IL6R: variants seen among roughly 807,000 people sequenced by gnomAD.
IL6R encodes the protein interleukin 6 receptor.
In IL6R, 38 loss-of-function variants were observed where a neutral mutation model predicts 48.3. The ratio of observed to expected loss-of-function variants is 0.79; its 90% CI spans 0.61 to 1.03. The LOEUF is 1.03. Among genes scored for constraint, IL6R ranks in the 50% least tolerant of loss-of-function variants. The pLI is 0.00. For synonymous variants in IL6R, 264 were observed against 256.2 expected (o/e 1.03, Z -0.29); for missense variants, 534 against 618.3 (o/e 0.86, Z 1.45).
Position 154,429,347 on chromosome 1 carries a change from G to A in IL6R, c.237G>A (p.Arg79=), listed in dbSNP as rs1306096570. Residue 79 remains arginine, a synonymous_variant, in exon 2 of 10, where the codon AGG becomes AGA. Transcript: ENST00000368485. ...CCAGCAGATGGGCTGGCATGGGAAG[G>A]AGGCTGCTGCTGAGGTCGGTGCAGC... is the stretch of plus-strand genomic sequence containing the variant. ...SHPSRWAGMG[R]RLLLRSVQLH... 6.2e-7 allele frequency: 1 copy of A among 1,614,146 alleles called. No homozygotes were observed. The highest frequency in any genetic ancestry group is 2.2e-5 in the East Asian group (1 of 44,882).
chr1:154,428,771 G>A (rs2149234399), intron 1 of IL6R, among the ~76,000 whole-genome samples: 1 of 152,312 alleles, frequency 6.6e-6, no homozygotes, highest in South Asian at 2.1e-4. Flanking sequence ...GGAATAGGAG[G>A]AGTTGTCGTG....
Position 154,405,700 on chromosome 1 carries a change from G to T in IL6R, c.71G>T (p.Arg24Leu). 6.6e-7 allele frequency: 1 copy of T among 1,518,472 alleles called. No individual in the cohort carries two copies. The highest frequency in any genetic ancestry group is 8.8e-7 in the Non-Finnish European group (1 of 1,140,446). 94.1% of individuals were successfully genotyped at this position (1,518,472 alleles called of 1,614,324 possible). A position where few individuals can be genotyped will look rare whatever the true frequency, so the allele number is the denominator to read the frequency against. ...CCGGGAGCGGCGCTGGCCCCAAGGCGCTGCCCTGCGCAGGGTAAGGGCTTC... is the reference window on the plus strand; with the variant it reads ...CCGGGAGCGGCGCTGGCCCCAAGGCTCTGCCCTGCGCAGGGTAAGGGCTTC... ...AAPGAALAPR[R>L]CPAQEVARGV... Residue 24 changes from arginine (R) to leucine (L), a missense_variant, in exon 1 of 10, where the codon CGC (arginine) becomes CTC (leucine). Arg to Leu is a moderately radical substitution (Grantham distance 102). Coordinates refer to ENST00000368485, the MANE Select transcript of IL6R (RefSeq NM_000565.4). This position sits in a 1 kb window ranked among gnomAD's most constrained non-coding sequence, Gnocchi z 5.2.
chr1:154,426,281 C>T (rs533458020), intron 1 of IL6R, among the ~76,000 whole-genome samples: 10 of 151,860 alleles, frequency 6.6e-5, no homozygotes, highest in Non-Finnish European at 1.2e-4. Flanking sequence ...GAGGCCGAGG[C>T]GGGTGGATCA....
At chr1:154,408,308 T>C (rs11265610) in intron 1 of IL6R, among the ~76,000 whole-genome samples, 11,347 of 152,210 alleles carry the variant, frequency 0.075, 1,428 homozygotes, top group African/African-American at 0.26. Flanking sequence ...AATCTCTCCT[T>C]GCTTTGGCTT....
chr1:154,462,437 G>A (rs1012254369), intron 9 of IL6R, among the ~76,000 whole-genome samples: 3 of 150,096 alleles, frequency 2.0e-5, no homozygotes, highest in Non-Finnish European at 4.4e-5. Context: ...GCAATGGTGC[G>A]ATCTCAGCTC....
chr1:154,411,725 G>A (rs897844864), intron 1 of IL6R, among the ~76,000 whole-genome samples: 5 of 152,016 alleles, frequency 3.3e-5, no homozygotes, highest in Admixed American at 1.3e-4. Context: ...TTTTGAGGCC[G>A]GATGTGGTGT....
At chr1:154,427,327 T>C (rs890763415) in intron 1 of IL6R, among the ~76,000 whole-genome samples, 1 of 152,154 alleles carries the variant, frequency 6.6e-6, no homozygotes, top group Non-Finnish European at 1.5e-5. Context: ...GACTGTGTCT[T>C]CCTTGCCAGT....
chr1:154,444,019 T>C (rs1313694784), intron 6 of IL6R, among the ~76,000 whole-genome samples: 2 of 151,672 alleles, frequency 1.3e-5, no homozygotes, highest in African/African-American at 4.8e-5. Context: ...CACATCTCAA[T>C]AGCATCTAGC....
At position 154,435,103 on chromosome 1, in the gene IL6R, C is replaced by A. The variant is rs145182433; in HGVS notation, c.754C>A (p.Arg252=). The part of the protein sequence containing the change: ...HSWNSSFYRL[R]FELRYRAERS... The stretch of plus-strand genomic sequence containing the variant: ...CTGGAACTCATCTTTCTACAGACTA[C>A]GGTTTGAGCTCAGATATCGGGCTGA... Residue 252 remains arginine (R), a synonymous_variant, in exon 5 of 10, where the codon CGG becomes AGG. Coordinates refer to ENST00000368485, the MANE Select transcript of IL6R (RefSeq NM_000565.4). The A allele has an allele frequency of 3.7e-6, 6 of 1,614,116 alleles. No homozygotes were observed. The highest frequency in any genetic ancestry group is 4.5e-5 in the East Asian group (2 of 44,890).
At chr1:154,447,444 A>T (rs1226379170) in intron 6 of IL6R, among the ~76,000 whole-genome samples, 10,113 of 64,590 alleles carry the variant, frequency 0.16, 1,514 homozygotes, top group Non-Finnish European at 0.19. Context: ...ATCTCAAAAA[A>T]AAAAAAAAAA....
At chr1:154,412,684 A>G (rs1688096719) in intron 1 of IL6R, among the ~76,000 whole-genome samples, 1 of 152,212 alleles carries the variant, frequency 6.6e-6, no homozygotes, top group African/African-American at 2.4e-5. Flanking sequence ...TTTTTGAAAG[A>G]TTAGGTATGT....
intron 2 of IL6R, among the ~76,000 whole-genome samples, chr1:154,429,954 C>T (rs1354921370): frequency 6.6e-6 from 1 of 152,042 alleles, no homozygotes; most frequent in Non-Finnish European, 1.5e-5. Flanking sequence ...GTTCTTAGCT[C>T]CCTCATACCT....
chr1:154,457,140 T>C (rs886114257), intron 9 of IL6R, among the ~76,000 whole-genome samples: 2 of 151,708 alleles, frequency 1.3e-5, no homozygotes, highest in Non-Finnish European at 2.9e-5. Context: ...CTGACCAACA[T>C]GGTGAAACTC....
At chr1:154,417,146 C>G (rs768268514) in intron 1 of IL6R, among the ~76,000 whole-genome samples, 1 of 152,184 alleles carries the variant, frequency 6.6e-6, no homozygotes. Flanking sequence ...GAGGGCCAGC[C>G]TCTTTGTTAT....
At chr1:154,412,550 GC>G (rs1019674999) in intron 1 of IL6R, among the ~76,000 whole-genome samples, 2 of 152,124 alleles carry the variant, frequency 1.3e-5, no homozygotes, top group Admixed American at 1.3e-4. Flanking sequence ...GAGCTACCGC[GC>G]CCGGCCTTTA....
intron 6 of IL6R, among the ~76,000 whole-genome samples, chr1:154,436,505 C>T (rs1309385117): frequency 6.6e-6 from 1 of 152,186 alleles, no homozygotes; most frequent in Non-Finnish European, 1.5e-5. Flanking sequence ...GGCTTAAAAA[C>T]GACCATCATT....
Position 154,405,537 on chromosome 1 carries a change from ACCGCCCCGCCCCGCCCCTGCCACCCCTG to A in IL6R, c.-86_-59del. On this transcript the variant is annotated 5_prime_UTR_variant, in exon 1 of 10. Coordinates refer to ENST00000368485, the MANE Select transcript of IL6R (RefSeq NM_000565.4). This position sits in a 1 kb window ranked among gnomAD's most constrained non-coding sequence, Gnocchi z 5.2. ...GGGGCCTGAGCCCGCCTGCCCGCCC[ACCGCCCCGCCCCGCCCCTGCCACCCCTG>A]CCGCCCGGTTCCCATTAGCCTGTCC... 2.7e-5 allele frequency: 1 copy of A among 37,418 alleles called. No homozygotes were observed. The highest frequency in any genetic ancestry group is 4.6e-5 in the Non-Finnish European group (1 of 21,806). 2.3% of individuals were successfully genotyped at this position (37,418 alleles called of 1,614,324 possible).
At chr1:154,461,334 G>T (rs559167386) in intron 9 of IL6R, among the ~76,000 whole-genome samples, 11 of 152,310 alleles carry the variant, frequency 7.2e-5, no homozygotes, top group African/African-American at 2.6e-4. Context: ...CCTTCCACAA[G>T]AAGCTGGTGG....
rs748663885 is a variant in IL6R, at chr1:154,429,390, T to C, written c.280T>C (p.Tyr94His). 4.3e-6 allele frequency: 7 copies of C among 1,613,852 alleles called. No homozygotes were observed. In the African/African-American group the frequency reaches 9.3e-5, roughly 22 times the overall value. The change falls in exon 2 of 10, where the codon TAT (tyrosine) becomes CAT (histidine). Residue 94 changes from tyrosine to histidine, a missense_variant. Physicochemically the swap from Tyr to His is moderately conservative, Grantham distance 83. Coordinates refer to ENST00000368485, the MANE Select transcript of IL6R (RefSeq NM_000565.4). ...RSVQLHDSGN[Y>H]SCYRAGRPAG... is the part of the protein sequence containing the mutation. ...GGTGCAGCTCCACGACTCTGGAAAC[T>C]ATTCATGCTACCGGGCCGGCCGCCC...
Sources: allele counts gnomAD v4.1 joint callset (sites outside exome capture counted in the v4.1 genomes callset), GRCh38; gene constraint gnomAD v4.1.1; non-coding constraint Gnocchi (gnomAD v3.1); transcripts MANE v1.5; gene names NCBI Gene and HGNC (gene_info 2026-07-23, HGNC 2026-07-21).